LRCH1: variants seen among roughly 807,000 people sequenced by gnomAD.
LRCH1 encodes the protein leucine rich repeats and calponin homology domain containing 1, also known as leucine-rich repeat and calponin homology domain-containing protein 1.
LRCH1 carries 23 observed loss-of-function variants against 94.9 expected under a neutral mutation model. The observed-to-expected ratio is 0.24, with a 90% CI of 0.17 to 0.34. The LOEUF (loss-of-function observed/expected upper bound fraction) is 0.34, where lower values mean the gene tolerates loss of function less well. Ranked by LOEUF, LRCH1 falls within the 10% of genes least tolerant of loss-of-function variation. The probability of loss-of-function intolerance (pLI) is 1.00; values close to 1 mark genes in which losing one functional copy is unlikely to be tolerated. For missense variants in LRCH1, 790 were observed against 945.9 expected (o/e 0.84, Z 2.16); for synonymous variants, 364 against 354.9 (o/e 1.03, Z -0.29).
At chr13:46,730,936 CTT>C (rs553409656) in intron 18 of LRCH1, among the ~76,000 whole-genome samples, 56 of 152,178 alleles carry the variant, frequency 3.7e-4, no homozygotes, top group Admixed American at 3.0e-3. Flanking sequence ...TTTTAGAAAT[CTT>C]TTGGTTTTCA....
At chr13:46,734,921 G>A (rs1873294234) in intron 19 of LRCH1, among the ~76,000 whole-genome samples, 1 of 152,194 alleles carries the variant, frequency 6.6e-6, no homozygotes, top group Non-Finnish European at 1.5e-5. Context: ...ATAGGAATTA[G>A]TTACTGAGAT....
At chr13:46,592,133 G>C (rs1010175801) in intron 1 of LRCH1, among the ~76,000 whole-genome samples, 3 of 152,246 alleles carry the variant, frequency 2.0e-5, no homozygotes, top group Non-Finnish European at 4.4e-5. Flanking sequence ...GGAAGGAACA[G>C]TTGGGCAGCT....
intron 16 of LRCH1, among the ~76,000 whole-genome samples, chr13:46,719,340 C>G (rs115712949): frequency 6.6e-6 from 1 of 152,220 alleles, no homozygotes; most frequent in Non-Finnish European, 1.5e-5. Flanking sequence ...CTGCCCCACT[C>G]ACTGCTTTGT....
At position 46,674,163 on chromosome 13, in the gene LRCH1, TA is replaced by T. The variant is rs1452291630; in HGVS notation, c.579+5014del. ...CCCTTAAAAAAATAAATAAATAAAA[TA>T]AAAAAACTTTAGCCATCTACAACAA... is the stretch of plus-strand genomic sequence containing the variant. On this transcript the variant is annotated intron_variant, in intron 3 of 19. Transcript: ENST00000389797. Among the ~76,000 whole-genome samples, 16 of 152,232 alleles carry T rather than the reference TA, an allele frequency of 1.1e-4. No homozygotes were observed. The South Asian group carries it at 3.3e-3, about 32-fold the overall frequency.
chr13:46,654,388 A>G (rs997587216), intron 2 of LRCH1, among the ~76,000 whole-genome samples: 1 of 152,202 alleles, frequency 6.6e-6, no homozygotes, highest in Admixed American at 6.5e-5. Context: ...AAAATAAAAT[A>G]TATATTTTGT....
intron 19 of LRCH1, among the ~76,000 whole-genome samples, chr13:46,734,200 C>G (rs1873256548): frequency 1.3e-5 from 2 of 152,034 alleles, no homozygotes; most frequent in African/African-American, 4.8e-5. Flanking sequence ...ATGTTCAATT[C>G]TGAGGAAAAA....
At chr13:46,705,930 C>T (rs998518666) in intron 13 of LRCH1, among the ~76,000 whole-genome samples, 3 of 152,110 alleles carry the variant, frequency 2.0e-5, no homozygotes, top group Admixed American at 6.5e-5. Context: ...GAGAGAAGTT[C>T]GAGCTGGTGA....
chr13:46,650,742 AG>A (rs145089234), intron 2 of LRCH1, among the ~76,000 whole-genome samples: 47,895 of 126,740 alleles, frequency 0.38, 9,627 homozygotes, highest in East Asian at 0.45. Context: ...AAAAAAAAAA[AG>A]AGAAAGCCTG....
chr13:46,718,372 A>C (rs756159654), intron 16 of LRCH1, among the ~76,000 whole-genome samples: 1 of 152,202 alleles, frequency 6.6e-6, no homozygotes, highest in Non-Finnish European at 1.5e-5. Context: ...GAAATGAAGA[A>C]ACTGAGGATA....
chr13:46,604,512 GT>G (rs2050666734), intron 1 of LRCH1, among the ~76,000 whole-genome samples: 1 of 152,202 alleles, frequency 6.6e-6, no homozygotes, highest in Non-Finnish European at 1.5e-5. Flanking sequence ...CTTAATGATA[GT>G]GTTATTTTAA....
intron 7 of LRCH1, among the ~76,000 whole-genome samples, chr13:46,690,071 G>GAA (rs61429104): frequency 2.0e-5 from 3 of 151,798 alleles, no homozygotes; most frequent in Admixed American, 6.6e-5. Flanking sequence ...ATGACTCCAG[G>GAA]AAAAAAACCT....
intron 1 of LRCH1, among the ~76,000 whole-genome samples, chr13:46,569,013 A>G (rs1021355165): frequency 1.3e-5 from 2 of 152,210 alleles, no homozygotes; most frequent in African/African-American, 2.4e-5. Flanking sequence ...TGCTAAATCA[A>G]TGCCTCCTAT....
At chr13:46,663,369 G>A (rs1365577501) in intron 2 of LRCH1, among the ~76,000 whole-genome samples, 3 of 152,104 alleles carry the variant, frequency 2.0e-5, no homozygotes, top group South Asian at 2.1e-4. Flanking sequence ...TGTCTTAGAC[G>A]TGTAATTAAT....
chr13:46,626,872 C>T (rs1435399603), intron 1 of LRCH1, among the ~76,000 whole-genome samples: 8 of 152,028 alleles, frequency 5.3e-5, no homozygotes, highest in African/African-American at 1.9e-4. Context: ...AAAAAAACAG[C>T]AAAATGAAAA....
chr13:46,704,938 T>G, intron 11 of LRCH1, 130 bp from the exon 12 acceptor site: 1 of 534,652 alleles, frequency 1.9e-6, no homozygotes, highest in Non-Finnish European at 3.3e-6. Flanking sequence ...CATAAACTTT[T>G]CCTCACTTAA....
At chr13:46,734,090 A>G (rs1028834106) in intron 19 of LRCH1, 92 bp downstream of exon 19, 2 of 573,340 alleles carry the variant, frequency 3.5e-6, no homozygotes, top group Non-Finnish European at 6.0e-6. Flanking sequence ...AAAGCTTTGT[A>G]CATGCTTTTT....
chr13:46,645,290 T>C (rs1365505913), intron 1 of LRCH1, among the ~76,000 whole-genome samples: 1 of 152,236 alleles, frequency 6.6e-6, no homozygotes, highest in Non-Finnish European at 1.5e-5. Flanking sequence ...TGTCTTACCA[T>C]TACATTTTTC....
intron 5 of LRCH1, among the ~76,000 whole-genome samples, chr13:46,687,175 T>C (rs570919446): frequency 4.2e-4 from 64 of 152,224 alleles, no homozygotes; most frequent in Non-Finnish European, 8.1e-4. Context: ...GCCAGGCTGC[T>C]CTCTAATTCC....
intron 1 of LRCH1, among the ~76,000 whole-genome samples, chr13:46,556,107 A>G (rs759285395): frequency 6.6e-6 from 1 of 152,248 alleles, no homozygotes; most frequent in Non-Finnish European, 1.5e-5. Context: ...GAAGATCCTT[A>G]AAGGCCTAAG....
Sources: allele counts gnomAD v4.1 joint callset (sites outside exome capture counted in the v4.1 genomes callset), GRCh38; gene constraint gnomAD v4.1.1; transcripts MANE v1.5; gene names NCBI Gene and HGNC (gene_info 2026-07-23, HGNC 2026-07-21).